Variants in MYO18B observed in about 807,000 individuals in gnomAD.
MYO18B encodes the protein unconventional myosin-XVIIIb.
A neutral mutation model predicts 273.0 loss-of-function variants in MYO18B; 204 were observed. The observed-to-expected ratio is 0.75, with a 90% CI of 0.67 to 0.84. MYO18B has a LOEUF of 0.84. Ranked by LOEUF, MYO18B falls within the 40% of genes least tolerant of loss-of-function variation. The probability of loss-of-function intolerance (pLI) is 0.00; values close to 1 mark genes in which losing one functional copy is unlikely to be tolerated. For synonymous variants in MYO18B, 1,330 were observed against 1,305.7 expected, an observed-to-expected ratio of 1.02 and a Z score of -0.40; for missense variants, 3,212 against 3,287.6, an observed-to-expected ratio of 0.98 and a Z score of 0.56.
chr22:26,008,145 T>C (rs1483412213), intron 42 of MYO18B, among the ~76,000 whole-genome samples: 3 of 152,250 alleles, frequency 2.0e-5, no homozygotes, highest in Admixed American at 6.5e-5. Context: ...GTTCATCTCA[T>C]TCTTTGTAAT....
intron 40 of MYO18B, among the ~76,000 whole-genome samples, chr22:25,994,852 G>A (rs1253569584): frequency 6.6e-6 from 1 of 152,224 alleles, no homozygotes; most frequent in Non-Finnish European, 1.5e-5. Flanking sequence ...ATGAATGGCT[G>A]TAGTTACAAC....
At chr22:25,872,395 A>C (rs1170606347) in intron 22 of MYO18B, among the ~76,000 whole-genome samples, 1 of 152,252 alleles carries the variant, frequency 6.6e-6, no homozygotes, top group Non-Finnish European at 1.5e-5. Flanking sequence ...TGGGTGCAGG[A>C]AATAAACCTG....
chr22:26,021,928 C>A (rs990492248), intron 42 of MYO18B, among the ~76,000 whole-genome samples: 1 of 152,150 alleles, frequency 6.6e-6, no homozygotes, highest in African/African-American at 2.4e-5. Flanking sequence ...ACTATTTCAT[C>A]CACTAAGTTA....
chr22:26,009,693 A>G (rs1934727831), intron 42 of MYO18B, among the ~76,000 whole-genome samples: 1 of 152,006 alleles, frequency 6.6e-6, no homozygotes, highest in Non-Finnish European at 1.5e-5. Flanking sequence ...TGGCCTTGAC[A>G]AGATTTCTGC....
At chr22:25,813,621 A>G (rs1054489123) in intron 12 of MYO18B, among the ~76,000 whole-genome samples, 1 of 152,214 alleles carries the variant, frequency 6.6e-6, no homozygotes, top group Non-Finnish European at 1.5e-5. Flanking sequence ...TGGCAAAGAC[A>G]CAGTGGCTTG....
At chr22:25,759,104 T>G (rs1388621351) in intron 1 of MYO18B, among the ~76,000 whole-genome samples, 7 of 152,164 alleles carry the variant, frequency 4.6e-5, no homozygotes, top group Admixed American at 4.6e-4. Flanking sequence ...TGCACAGCTC[T>G]GTAAATTTAT....
chr22:25,986,828 C>T (rs2093207104), intron 39 of MYO18B, among the ~76,000 whole-genome samples: 1 of 151,786 alleles, frequency 6.6e-6, no homozygotes, highest in African/African-American at 2.4e-5. Flanking sequence ...ATGCTATGTG[C>T]CAGATGCTGG....
At chr22:25,981,546 C>T (rs1173249961) in intron 39 of MYO18B, among the ~76,000 whole-genome samples, 1 of 152,136 alleles carries the variant, frequency 6.6e-6, no homozygotes, top group African/African-American at 2.4e-5. Context: ...TCAAGACCAG[C>T]TTGGACAACA....
Position 25,953,426 on chromosome 22 carries a change from C to T in MYO18B, c.5970+1003C>T, listed in dbSNP as rs938244815. ...TTACAGGTTCCAATTTCTCTGCAGC[C>T]AGCTGGCTTCACCACAGTAAGACAG... On this transcript the variant is annotated intron_variant, in intron 38 of 43. Coordinates refer to ENST00000335473, the MANE Select transcript of MYO18B (RefSeq NM_032608.7). 3 of 152,224 alleles carry T rather than the reference C, an allele frequency of 2.0e-5. 1 individual carries two copies. Among genetic ancestry groups the T allele is most frequent in the East Asian group, 3.8e-4 (2 of 5,202 alleles). 9.4% of individuals were successfully genotyped at this position (152,224 alleles called of 1,614,324 possible).
rs1393036115 is a variant in MYO18B, at chr22:25,866,606, T to C, written c.3886-1714T>C. ...CTGTAATCCCAGCACTATGGGAGGC[T>C]GAAGCAGGTGGATCATGAGGTCAAG... On this transcript the variant is annotated intron_variant, in intron 21 of 43. Coordinates refer to ENST00000335473, the MANE Select transcript of MYO18B (RefSeq NM_032608.7). 2.0e-5 allele frequency among the ~76,000 whole-genome samples: 3 copies of C among 151,900 alleles called. 1 individual carries two copies. Among genetic ancestry groups the C allele is most frequent in the Admixed American group, 2.0e-4 (3 of 15,248 alleles).
At chr22:25,843,693 C>A in intron 17 of MYO18B, 42 bp from the exon 18 acceptor site, 1 of 1,583,326 alleles carries the variant, frequency 6.3e-7, no homozygotes, top group Non-Finnish European at 8.6e-7. Flanking sequence ...GCAGAGTGTC[C>A]TCAACAGGCT....
chr22:25,748,290 T>C lies in MYO18B; in HGVS notation c.-110+5997T>C, dbSNP rs76313438. Among the ~76,000 whole-genome samples the C allele has an allele frequency of 1.9e-3, 295 of 152,268 alleles. 1 individual carries two copies. Among genetic ancestry groups the C allele is most frequent in the African/African-American group, 6.5e-3 (270 of 41,552 alleles). On this transcript the variant is annotated intron_variant, in intron 1 of 43. Transcript: ENST00000335473. ...AAGAAAAAGCATCAGACTTTACTCA[T>C]TGGGACATGAGGACCTTAGTTCTGC...
intron 22 of MYO18B, among the ~76,000 whole-genome samples, chr22:25,871,989 A>G (rs1209022721): frequency 6.7e-6 from 1 of 150,026 alleles, no homozygotes; most frequent in Non-Finnish European, 1.5e-5. Flanking sequence ...TTTTTTTTTT[A>G]TAGCAGCTTT....
rs1045206891 is a variant in MYO18B at position 25,846,046 on chromosome 22, G to A, written c.3369-54G>A. On this transcript the variant is annotated intron_variant, in intron 18 of 43. Transcript: ENST00000335473. ...TTCCCTTTGCCACCACCCAGGCCAA[G>A]GCTTTCCCAAGAACCTCCTAAAGCT... is the stretch of plus-strand genomic sequence containing the variant. 9.8e-6 allele frequency: 14 copies of A among 1,433,376 alleles called. No individual in the cohort carries two copies. The African/African-American group carries it at 1.7e-4, about 18-fold the overall frequency. The allele number at this position is 1,433,376 out of a possible 1,614,324, so 88.8% of individuals were successfully genotyped here. A position where few individuals can be genotyped will look rare whatever the true frequency, so the allele number is the denominator to read the frequency against.
Position 26,026,582 on chromosome 22 carries a change from G to A in MYO18B, c.6608G>A (p.Cys2203Tyr). The change falls in exon 43 of 44, where the codon TGT becomes TAT. Residue 2203 changes from cysteine to tyrosine, a missense_variant. Cys to Tyr is a radical substitution (Grantham distance 194). Coordinates refer to ENST00000335473, the MANE Select transcript of MYO18B (RefSeq NM_032608.7). ...SPHFVRRQKY[C>Y]HFGDGEVLAV... ...CACTTTGTCCGCCGGCAAAAGTACT[G>A]TCATTTTGGGGACGGCGAAGTGCTT... is the stretch of plus-strand genomic sequence containing the variant. 6.2e-7 allele frequency: 1 copy of A among 1,613,894 alleles called. No homozygotes were observed. Among genetic ancestry groups the A allele is most frequent in the Middle Eastern group, 1.6e-4 (1 of 6,062 alleles).
At chr22:25,973,752 G>A (rs1316434394) in intron 39 of MYO18B, among the ~76,000 whole-genome samples, 2 of 152,172 alleles carry the variant, frequency 1.3e-5, no homozygotes, top group African/African-American at 4.8e-5. Flanking sequence ...CAAATGCTTT[G>A]TGTTCCCATC....
chr22:25,867,635 C>CTTTT (rs1373383421), intron 21 of MYO18B, among the ~76,000 whole-genome samples: 3 of 151,770 alleles, frequency 2.0e-5, no homozygotes, highest in Non-Finnish European at 4.4e-5. Flanking sequence ...TTCTTTCTTT[C>CTTTT]TTTCTTTTTT....
At chr22:26,041,161 T>C in the MYO18B span, among the ~76,000 whole-genome samples, 10 of 151,944 alleles carry the variant, frequency 6.6e-5, no homozygotes, top group Non-Finnish European at 1.2e-4. Context: ...GCCTTTTTTT[T>C]CCTCATAAGC....
At chr22:25,880,625 A>G (rs2146215573) in intron 25 of MYO18B, among the ~76,000 whole-genome samples, 1 of 152,312 alleles carries the variant, frequency 6.6e-6, no homozygotes, top group Admixed American at 6.5e-5. Flanking sequence ...GTATATGAAC[A>G]TCTCCCATGT....
Sources: allele counts gnomAD v4.1 joint callset (sites outside exome capture counted in the v4.1 genomes callset), GRCh38; gene constraint gnomAD v4.1.1; transcripts MANE v1.5; gene names NCBI Gene and HGNC (gene_info 2026-07-23, HGNC 2026-07-21).